The following RBPMS variants were observed in gnomAD, a reference collection of about 807,000 sequenced individuals.
RBPMS encodes RNA binding protein, mRNA processing factor.
In RBPMS, 7 loss-of-function variants were observed where a neutral mutation model predicts 26.8. That is an observed-to-expected ratio of 0.26 (90% CI 0.15 to 0.49). RBPMS has a LOEUF of 0.49. Among genes scored for constraint, RBPMS ranks in the 20% least tolerant of loss-of-function variants. The probability of loss-of-function intolerance (pLI) is 0.98; values close to 1 mark genes in which losing one functional copy is unlikely to be tolerated. For missense variants in RBPMS, 186 were observed against 250.0 expected, an observed-to-expected ratio of 0.74 and a Z score of 1.73; for synonymous variants, 96 against 93.3, an observed-to-expected ratio of 1.03 and a Z score of -0.17.
intron 1 of RBPMS, among the ~76,000 whole-genome samples, chr8:30,471,792 A>G (rs1180585990): frequency 1.3e-5 from 2 of 152,310 alleles, no homozygotes; most frequent in South Asian, 4.1e-4. Flanking sequence ...ATTCTGCCTC[A>G]GCGAACTTCA....
intron 5 of RBPMS, among the ~76,000 whole-genome samples, chr8:30,510,974 A>C (rs1821526283): frequency 6.6e-6 from 1 of 152,044 alleles, no homozygotes; most frequent in African/African-American, 2.4e-5. Context: ...GCACTTACTA[A>C]AGAGATATAA....
chr8:30,479,786 A>T (rs1373517358), intron 4 of RBPMS, among the ~76,000 whole-genome samples: 4 of 147,804 alleles, frequency 2.7e-5, no homozygotes, highest in Non-Finnish European at 5.9e-5. Context: ...TTATTTCATG[A>T]GGCTTTCCTT....
chr8:30,431,029 T>C (rs1404854410), intron 1 of RBPMS, among the ~76,000 whole-genome samples: 6 of 152,208 alleles, frequency 3.9e-5, no homozygotes, highest in African/African-American at 1.4e-4. Context: ...GGTTTTCAGA[T>C]GTATTCTTTA....
At chr8:30,502,216 T>TG (rs1379254473) in intron 4 of RBPMS, among the ~76,000 whole-genome samples, 3 of 139,752 alleles carry the variant, frequency 2.1e-5, no homozygotes, top group Non-Finnish European at 4.6e-5. Context: ...TAGTTCAAAT[T>TG]GGGGGGCGGG....
intron 1 of RBPMS, among the ~76,000 whole-genome samples, chr8:30,431,780 A>G (rs905619935): frequency 1.3e-5 from 2 of 152,020 alleles, no homozygotes; most frequent in African/African-American, 4.8e-5. Context: ...ACTTATCAGT[A>G]TATTTATTCC....
In RBPMS at chr8:30,445,649, GATATATATAT is replaced by G. The variant is rs59580323; in HGVS notation, c.67-29113_67-29104del. Among the ~76,000 whole-genome samples, 171 of 107,344 alleles carry G rather than the reference GATATATATAT, an allele frequency of 1.6e-3. 10 individuals carry two copies. The highest frequency in any genetic ancestry group is 6.3e-3 in the Middle Eastern group (1 of 160). The allele number at this position is 107,344 out of a possible 152,430, so 70.4% of individuals were successfully genotyped here. A position where few individuals can be genotyped will look rare whatever the true frequency, so the allele number is the denominator to read the frequency against. On this transcript the variant is annotated intron_variant, in intron 1 of 8. Transcript: ENST00000397323. Reference sequence around the variant, plus strand: ...ACACACATATGTAGATATACACACGGATATATATATATATATATATATATATGTATTTTCC... The same window carrying G: ...ACACACATATGTAGATATACACACGGATATATATATATATATGTATTTTCC...
At chr8:30,437,245 A>G (rs748869034) in intron 1 of RBPMS, among the ~76,000 whole-genome samples, 3 of 151,796 alleles carry the variant, frequency 2.0e-5, no homozygotes, top group Non-Finnish European at 2.9e-5. Context: ...TTTGACCTAG[A>G]TTTGTTGGGA....
At chr8:30,417,003 C>G (rs1006765146) in intron 1 of RBPMS, among the ~76,000 whole-genome samples, 2 of 152,158 alleles carry the variant, frequency 1.3e-5, no homozygotes, top group African/African-American at 4.8e-5. Context: ...CTCCTGACCT[C>G]AAGTGATCCT....
chr8:30,385,739 G>C (rs1806987540), intron 1 of RBPMS, among the ~76,000 whole-genome samples: 1 of 152,144 alleles, frequency 6.6e-6, no homozygotes, highest in Admixed American at 6.5e-5. Context: ...TGTGATTTTA[G>C]GGGCCGTGCA....
intron 1 of RBPMS, among the ~76,000 whole-genome samples, chr8:30,412,314 C>G (rs1809539032): frequency 6.6e-6 from 1 of 152,156 alleles, no homozygotes; most frequent in Non-Finnish European, 1.5e-5. Flanking sequence ...GCTTGGTTGC[C>G]TTATAAGGCT....
intron 6 of RBPMS, chr8:30,545,028 C>A (rs1267295467): frequency 2.1e-6 from 3 of 1,421,642 alleles, no homozygotes; most frequent in Non-Finnish European, 2.8e-6. Context: ...GTGCGTGTTT[C>A]TGTGTGTTGA....
intron 4 of RBPMS, among the ~76,000 whole-genome samples, chr8:30,487,356 A>G (rs577833071): frequency 3.4e-4 from 52 of 152,216 alleles, no homozygotes; most frequent in Non-Finnish European, 6.6e-4. Flanking sequence ...TTGCTCCACA[A>G]AGCTAGAACC....
intron 1 of RBPMS, among the ~76,000 whole-genome samples, chr8:30,409,736 G>A (rs1197218322): frequency 6.6e-6 from 1 of 151,884 alleles, no homozygotes; most frequent in East Asian, 2.0e-4. Context: ...TGGTTCAAGC[G>A]ATTCTCCTGC....
chr8:30,548,568 T>C (rs1826046596), intron 6 of RBPMS, among the ~76,000 whole-genome samples: 1 of 152,204 alleles, frequency 6.6e-6, no homozygotes. Flanking sequence ...TTTAAAATTA[T>C]AACAGACTGC....
At chr8:30,432,930 A>C (rs1270403212) in intron 1 of RBPMS, among the ~76,000 whole-genome samples, 1 of 152,264 alleles carries the variant, frequency 6.6e-6, no homozygotes, top group Non-Finnish European at 1.5e-5. Context: ...AAAATCACAC[A>C]GGGTCTGGAA....
intron 1 of RBPMS, among the ~76,000 whole-genome samples, chr8:30,423,519 G>A (rs2150632606): frequency 6.6e-6 from 1 of 152,212 alleles, no homozygotes; most frequent in East Asian, 1.9e-4. Context: ...GGGCTCAGGG[G>A]CCATCTATTG....
intron 1 of RBPMS, among the ~76,000 whole-genome samples, chr8:30,410,311 C>T (rs1376463802): frequency 5.3e-5 from 8 of 152,204 alleles, no homozygotes; most frequent in Non-Finnish European, 7.4e-5. Flanking sequence ...TGGGTTCAAA[C>T]GATTCTCCTG....
intron 4 of RBPMS, among the ~76,000 whole-genome samples, chr8:30,487,429 G>A (rs1344618295): frequency 6.6e-6 from 1 of 152,166 alleles, no homozygotes; most frequent in Non-Finnish European, 1.5e-5. Context: ...AGTCGGGTAG[G>A]ACTTAACCAT....
rs570082338 is a variant in RBPMS, at chr8:30,497,067, A to G, written c.247-7219A>G. Among the ~76,000 whole-genome samples the G allele has an allele frequency of 3.3e-5, 5 of 152,360 alleles. No individual in the cohort carries two copies. The South Asian group carries it at 1.0e-3, about 32-fold the overall frequency. ...CAGAATCTCTCTAAAGTATGTATTT[A>G]CTTCCTAGTTTCTGATGGAAATGAC... On this transcript the variant is annotated intron_variant, in intron 4 of 8. Coordinates refer to ENST00000397323, the MANE Select transcript of RBPMS (RefSeq NM_001008710.3).
Sources: gnomAD v4.1 joint callset for allele counts (sites outside exome capture counted in the v4.1 genomes callset) on GRCh38, gnomAD v4.1.1 for gene constraint, MANE v1.5 for transcripts, NCBI Gene and HGNC (gene_info 2026-07-23, HGNC 2026-07-21) for gene names.